The following DAB1 variants were observed in gnomAD, a reference collection of about 807,000 sequenced individuals.
The protein encoded by DAB1 is disabled homolog 1.
DAB1 carries 15 observed loss-of-function variants against 64.6 expected under a neutral mutation model. The observed-to-expected ratio is 0.23, with a 90% CI of 0.16 to 0.36. The LOEUF (loss-of-function observed/expected upper bound fraction) is 0.36. Among genes scored for constraint, DAB1 ranks in the 10% least tolerant of loss-of-function variants. The pLI, the probability that DAB1 is intolerant of heterozygous loss-of-function variation, is 1.00. For missense variants in DAB1, 596 were observed against 706.7 expected (o/e 0.84, Z 1.78); for synonymous variants, 235 against 251.9 (o/e 0.93, Z 0.64).
intron 1 of DAB1, among the ~76,000 whole-genome samples, chr1:57,311,070 T>C (rs1327443607): frequency 2.0e-5 from 3 of 151,934 alleles, no homozygotes; most frequent in African/African-American, 4.8e-5. Context: ...GAACTCAGAT[T>C]TGAAAATGTC....
intron 1 of DAB1, among the ~76,000 whole-genome samples, chr1:58,533,281 T>C (rs543520525): frequency 5.9e-4 from 90 of 152,352 alleles, no homozygotes; most frequent in Non-Finnish European, 3.4e-4. Flanking sequence ...GAAGAAACAC[T>C]GGACTAACAT....
chr1:57,365,879 T>C (rs185681895), intron 1 of DAB1, among the ~76,000 whole-genome samples: 1 of 152,302 alleles, frequency 6.6e-6, no homozygotes, highest in East Asian at 1.9e-4. Context: ...CCGTATACTG[T>C]AAGCAATGAG....
intron 5 of DAB1, among the ~76,000 whole-genome samples, chr1:57,933,173 C>T (rs554098456): frequency 6.6e-6 from 1 of 152,296 alleles, no homozygotes; most frequent in Admixed American, 6.5e-5. Context: ...CACTGAAACT[C>T]CAACAATTTA....
intron 5 of DAB1, among the ~76,000 whole-genome samples, chr1:57,950,281 G>GT (rs1322534373): frequency 6.6e-6 from 1 of 152,124 alleles, no homozygotes; most frequent in Admixed American, 6.6e-5. Flanking sequence ...GATGAAGTAA[G>GT]TTACCATATC....
In DAB1 at chr1:57,069,341, G is replaced by C. The variant is rs766151495; in HGVS notation, c.663+19C>G. On this transcript the variant is annotated intron_variant, in intron 8 of 14. Transcript: ENST00000371236. ...TACTAGTAGTGGTGCAATGGTAAGA[G>C]AGGCAAGCAATTTTATACCTGATAA... 1 of 1,604,558 alleles carries C rather than the reference G, an allele frequency of 6.2e-7. No individual in the cohort carries two copies. The highest frequency in any genetic ancestry group is 1.1e-5 in the South Asian group (1 of 90,834).
In DAB1 at chr1:57,949,875, G is replaced by C. The variant is rs185603709; in HGVS notation, n.388-65713C>G. On this transcript the variant is annotated intron_variant and non_coding_transcript_variant, in intron 5 of 20. Transcript: ENST00000485760. Reference sequence around the variant, plus strand: ...CTGCTTGCTAACTTTCAGGCACTGGGGTTGTCCCTTTTAAAGTGAACTGTC... The same window carrying C: ...CTGCTTGCTAACTTTCAGGCACTGGCGTTGTCCCTTTTAAAGTGAACTGTC... Among the ~76,000 whole-genome samples the C allele has an allele frequency of 1.5e-3, 224 of 152,232 alleles. 1 individual carries two copies. The highest frequency in any genetic ancestry group is 4.6e-3 in the African/African-American group (193 of 41,542).
intron 7 of DAB1, 133 bp downstream of exon 7, chr1:57,070,890 C>T: frequency 1.2e-6 from 1 of 819,332 alleles, no homozygotes; most frequent in Non-Finnish European, 2.1e-6. Context: ...GCTGGCAGCC[C>T]TCACCCTCAG....
intron 8 of DAB1, among the ~76,000 whole-genome samples, chr1:57,063,580 C>T (rs911955140): frequency 6.6e-6 from 1 of 152,306 alleles, no homozygotes. Flanking sequence ...CATCTGGTCT[C>T]ACTGTTATGA....
intron 2 of DAB1, among the ~76,000 whole-genome samples, chr1:57,188,964 C>CA (rs951289991): frequency 4.9e-4 from 74 of 151,728 alleles, no homozygotes; most frequent in Admixed American, 4.3e-3. Context: ...AACAGAATCT[C>CA]AAAAAAAAGT....
intron 6 of DAB1, among the ~76,000 whole-genome samples, chr1:57,765,329 T>A (rs1649262812): frequency 6.6e-6 from 1 of 152,208 alleles, no homozygotes; most frequent in African/African-American, 2.4e-5. Flanking sequence ...AGCTGGTCTA[T>A]TTTATTTCCT....
chr1:57,099,002 G>C (rs917242588), intron 4 of DAB1, among the ~76,000 whole-genome samples: 2 of 152,178 alleles, frequency 1.3e-5, no homozygotes, highest in African/African-American at 4.8e-5. Context: ...TCGTTTCTCA[G>C]AATCTCAGTA....
At chr1:57,975,668 A>G (rs79549145) in intron 5 of DAB1, among the ~76,000 whole-genome samples, 3,067 of 152,314 alleles carry the variant, frequency 0.02, 117 homozygotes, top group African/African-American at 0.07. Flanking sequence ...AATACAGCTG[A>G]GAACAAAGGC....
chr1:58,361,643 A>T (rs914873895), intron 3 of DAB1, among the ~76,000 whole-genome samples: 7 of 152,144 alleles, frequency 4.6e-5, no homozygotes, highest in Admixed American at 2.0e-4. Flanking sequence ...GACCCTGAGC[A>T]GAGGTTAACA....
At chr1:58,534,277 C>G (rs201766894) in intron 1 of DAB1, 1 of 870,552 alleles carries the variant, frequency 1.1e-6, no homozygotes, top group East Asian at 2.4e-5. Flanking sequence ...TCTTTAACAG[C>G]CAGGTATCGG....
intron 4 of DAB1, among the ~76,000 whole-genome samples, chr1:57,112,790 C>T (rs1022463783): frequency 1.3e-5 from 2 of 151,928 alleles, no homozygotes; most frequent in African/African-American, 4.8e-5. Context: ...TTGGCAAATG[C>T]TAATTCAGCC....
chr1:57,387,233 A>T (rs1681941968), intron 1 of DAB1: 1 of 152,144 alleles, frequency 6.6e-6, no homozygotes, highest in Non-Finnish European at 1.5e-5. Context: ...TAGTGTGAGG[A>T]TTAAGATGAT....
rs58148255 is a variant in DAB1 at position 57,590,310 on chromosome 1, TTTTATTTA to T, written n.625+59274_625+59281del. Reference sequence around the variant, plus strand: ...TTAACCTTAATTATTTTTTCTTTTCTTTTATTTATTTATTTATTTATTTATTTTGAGAT... The same window carrying T: ...TTAACCTTAATTATTTTTTCTTTTCTTTTATTTATTTATTTATTTTGAGAT... On this transcript the variant is annotated intron_variant and non_coding_transcript_variant, in intron 7 of 20. Coordinates refer to the DAB1 transcript ENST00000485760. Among the ~76,000 whole-genome samples, 10 of 151,180 alleles carry T rather than the reference TTTTATTTA, an allele frequency of 6.6e-5. No individual in the cohort carries two copies. In the East Asian group the frequency reaches 7.7e-4, roughly 12 times the overall value.
At chr1:56,999,932 A>G (rs1159220115) in intron 14 of DAB1, among the ~76,000 whole-genome samples, 1 of 152,158 alleles carries the variant, frequency 6.6e-6, no homozygotes, top group East Asian at 1.9e-4. Context: ...CTGCCCTTGG[A>G]AATGTAAATA....
intron 5 of DAB1, among the ~76,000 whole-genome samples, chr1:58,029,099 T>C (rs1236047663): frequency 6.6e-6 from 1 of 152,188 alleles, no homozygotes; most frequent in Non-Finnish European, 1.5e-5. Flanking sequence ...GAGGTTATAC[T>C]ATCTAACACT....
Sources: allele counts gnomAD v4.1 joint callset (sites outside exome capture counted in the v4.1 genomes callset), GRCh38; gene constraint gnomAD v4.1.1; transcripts MANE v1.5; gene names NCBI Gene and HGNC (gene_info 2026-07-23, HGNC 2026-07-21).